TANC2: variants seen among roughly 807,000 people sequenced by gnomAD.
The protein encoded by TANC2 is tetratricopeptide repeat, ankyrin repeat and coiled-coil containing 2, also known as protein TANC2.
Under a neutral mutation model 210.5 loss-of-function variants are expected in TANC2, and 26 were observed. That is an observed-to-expected ratio of 0.12 (90% CI 0.09 to 0.17). The LOEUF is 0.17. Ranked by LOEUF, TANC2 falls within the 10% of genes least tolerant of loss-of-function variation. The pLI is 1.00. For missense variants in TANC2, 2,129 were observed against 2,608.9 expected, an observed-to-expected ratio of 0.82 and a Z score of 4.01; for synonymous variants, 931 against 967.1, an observed-to-expected ratio of 0.96 and a Z score of 0.69.
chr17:63,082,368 A>G (rs1321691411), intron 3 of TANC2, among the ~76,000 whole-genome samples: 1 of 152,144 alleles, frequency 6.6e-6, no homozygotes, highest in East Asian at 1.9e-4. Context: ...TATAGAGTTG[A>G]TACATTTTTT....
At chr17:63,060,178 C>G (rs907524645) in intron 2 of TANC2, among the ~76,000 whole-genome samples, 3 of 152,176 alleles carry the variant, frequency 2.0e-5, no homozygotes, top group African/African-American at 4.8e-5. Context: ...AGAGAGTGGT[C>G]TGAGAATATT....
chr17:63,407,751 C>T (rs376307931), intron 21 of TANC2, among the ~76,000 whole-genome samples: 20 of 152,176 alleles, frequency 1.3e-4, no homozygotes, highest in African/African-American at 4.3e-4. Flanking sequence ...CCTTAAAAAG[C>T]GGAGAATCCT....
intron 1 of TANC2, among the ~76,000 whole-genome samples, chr17:62,980,604 T>C (rs1462114402): frequency 6.6e-6 from 1 of 152,196 alleles, no homozygotes; most frequent in Non-Finnish European, 1.5e-5. Context: ...CATTGATTTA[T>C]CTTAGCCATT....
Position 63,421,758 on chromosome 17 carries a change from C to G in TANC2, c.6028C>G (p.Leu2010Val). The G allele has an allele frequency of 6.2e-7, 1 of 1,614,074 alleles. No individual in the cohort carries two copies. The highest frequency in any genetic ancestry group is 8.5e-7 in the Non-Finnish European group (1 of 1,179,900). The stretch of plus-strand genomic sequence containing the variant: ...CGATTATTACAGCCCCCATGGGATG[C>G]TGGCTAACGGGTCTCGTGGAGACCT... Residue 2010 changes from leucine to valine, a missense_variant, in exon 28 of 28, where the codon CTG (leucine) becomes GTG (valine). By Grantham distance (32) the Leu-to-Val change is conservative. Around this residue, in one of 5 missense-constraint regions of TANC2, gnomAD observed 161 missense variants for 178.6 expected, o/e 0.90. Transcript: ENST00000689528. The surrounding 1 kb of genome is among the most constrained non-coding windows in gnomAD (Gnocchi z 6.9).
In TANC2 at chr17:63,273,286, C is replaced by G. The variant is rs907462374; in HGVS notation, c.1159+5413C>G. On this transcript the variant is annotated intron_variant, in intron 9 of 27. Coordinates refer to ENST00000689528, the Ensembl canonical transcript of TANC2. ...CCAGTCTGGGTGATAGAAGGAGACC[C>G]TGTCTCATTTTTAAAAAATTATTGA... 4.6e-5 allele frequency among the ~76,000 whole-genome samples: 7 copies of G among 152,040 alleles called. No individual in the cohort carries two copies. In the East Asian group the frequency reaches 1.4e-3, roughly 29 times the overall value.
chr17:63,354,934 A>G (rs764311284), exon 14 of TANC2: 1 of 1,613,860 alleles, frequency 6.2e-7, no homozygotes, highest in Non-Finnish European at 8.5e-7. Flanking sequence ...GGCAAAATGG[A>G]CAATACTACA....
intron 8 of TANC2, among the ~76,000 whole-genome samples, chr17:63,239,973 C>T (rs551285665): frequency 2.0e-4 from 31 of 152,224 alleles, no homozygotes; most frequent in African/African-American, 7.0e-4. Context: ...CTGGAGAACT[C>T]TCATATTACA....
chr17:63,402,207 C>G (rs1338804830), intron 19 of TANC2, among the ~76,000 whole-genome samples: 1 of 152,190 alleles, frequency 6.6e-6, no homozygotes, highest in Non-Finnish European at 1.5e-5. Flanking sequence ...GCCCACCCCA[C>G]ACCTTCCATG....
At chr17:63,201,411 C>T (rs1038660431) in intron 7 of TANC2, among the ~76,000 whole-genome samples, 7 of 151,934 alleles carry the variant, frequency 4.6e-5, no homozygotes, top group Non-Finnish European at 7.4e-5. Flanking sequence ...TTTTGGGAGC[C>T]CCTTTAGACT....
chr17:63,142,870 A>T (rs767341253), intron 4 of TANC2, among the ~76,000 whole-genome samples: 1 of 152,204 alleles, frequency 6.6e-6, no homozygotes, highest in South Asian at 2.1e-4. Context: ...GTTGGGGGGC[A>T]TCTGCAATAC....
chr17:63,157,186 G>A (rs1355549273), intron 5 of TANC2, among the ~76,000 whole-genome samples: 1 of 152,126 alleles, frequency 6.6e-6, no homozygotes, highest in African/African-American at 2.4e-5. Flanking sequence ...CTTTGGGAGA[G>A]GCAGAAGATT....
intron 9 of TANC2, among the ~76,000 whole-genome samples, chr17:63,287,384 A>G (rs1053951319): frequency 4.6e-5 from 7 of 152,190 alleles, no homozygotes; most frequent in Non-Finnish European, 4.4e-5. Flanking sequence ...GTCAGTTTCA[A>G]TTGATTGATT....
chr17:63,335,756 T>A (rs1322720035), intron 11 of TANC2, among the ~76,000 whole-genome samples: 1 of 152,014 alleles, frequency 6.6e-6, no homozygotes, highest in African/African-American at 2.4e-5. Flanking sequence ...GTGGAAAAAC[T>A]GTAAAATTTG....
rs2048930143 is a variant in TANC2 at position 63,418,420 on chromosome 17, A to G, written c.4268+13A>G. 1 of 1,606,628 alleles carries G rather than the reference A, an allele frequency of 6.2e-7. No individual in the cohort carries two copies. Among genetic ancestry groups the G allele is most frequent in the South Asian group, 1.1e-5 (1 of 89,412 alleles). On this transcript the variant is annotated intron_variant, in intron 27 of 27. Coordinates refer to ENST00000689528, the Ensembl canonical transcript of TANC2. This position sits in a 1 kb window ranked among gnomAD's most constrained non-coding sequence, Gnocchi z 4.6. ...AACGCAGCAGCAGGTGAGGAGAGAG[A>G]GAGAGGGTGAAAGCAAGAGGTCTCT... is the stretch of plus-strand genomic sequence containing the variant.
intron 1 of TANC2, among the ~76,000 whole-genome samples, chr17:62,984,515 T>A: frequency 6.6e-6 from 1 of 152,034 alleles, no homozygotes; most frequent in African/African-American, 2.4e-5. Context: ...TTCGGCTTGT[T>A]CTTGCTTTTC....
chr17:63,336,447 C>T (rs927926741), intron 11 of TANC2, among the ~76,000 whole-genome samples: 1 of 152,166 alleles, frequency 6.6e-6, no homozygotes, highest in Non-Finnish European at 1.5e-5. Context: ...TCAACGCAAG[C>T]GTGACATTTT....
At chr17:63,242,162 A>G (rs1367832723) in intron 8 of TANC2, among the ~76,000 whole-genome samples, 1 of 152,140 alleles carries the variant, frequency 6.6e-6, no homozygotes, top group Non-Finnish European at 1.5e-5. Flanking sequence ...TTAAACAGAC[A>G]TATCTCTTGA....
chr17:63,140,684 G>A (rs1371014228), intron 4 of TANC2, among the ~76,000 whole-genome samples: 3 of 152,166 alleles, frequency 2.0e-5, no homozygotes, highest in Admixed American at 1.3e-4. Context: ...ATTTACTGCC[G>A]TTTTTATGGA....
chr17:63,168,854 G>C (rs143911585), intron 5 of TANC2, among the ~76,000 whole-genome samples: 2 of 152,322 alleles, frequency 1.3e-5, no homozygotes, highest in African/African-American at 4.8e-5. Flanking sequence ...AGGATTTGCA[G>C]ACTTCTCAAA....
Sources: allele counts gnomAD v4.1 joint callset (sites outside exome capture counted in the v4.1 genomes callset), GRCh38; gene constraint gnomAD v4.1.1; regional missense constraint gnomAD v4.1.1; non-coding constraint Gnocchi (gnomAD v3.1); transcripts MANE v1.5; gene names NCBI Gene and HGNC (gene_info 2026-07-23, HGNC 2026-07-21).